JMJD1C: variants seen among roughly 807,000 people sequenced by gnomAD.
The protein encoded by JMJD1C is jumonji domain containing 1C.
Under a neutral mutation model 245.3 loss-of-function variants are expected in JMJD1C, and 31 were observed. The ratio of observed to expected loss-of-function variants is 0.13; its 90% CI spans 0.09 to 0.17. The LOEUF is 0.17. JMJD1C is among the 10% of genes least tolerant of loss of function. JMJD1C has a pLI of 1.00. For synonymous variants in JMJD1C, 1,057 were observed against 1,017.4 expected (o/e 1.04, Z -0.74); for missense variants, 2,691 against 3,000.2 (o/e 0.90, Z 2.41).
At chr10:63,245,919 G>C (rs921771620) in intron 3 of JMJD1C, among the ~76,000 whole-genome samples, 2 of 152,170 alleles carry the variant, frequency 1.3e-5, no homozygotes, top group African/African-American at 4.8e-5. Context: ...TACAATTCAA[G>C]ATGAGATTTG....
chr10:63,332,889 G>C (rs537741123), intron 2 of JMJD1C, among the ~76,000 whole-genome samples: 226 of 152,242 alleles, frequency 1.5e-3, no homozygotes, highest in Non-Finnish European at 2.3e-3. Flanking sequence ...GAAAGGCTTA[G>C]ATTCATTGTT....
At chr10:63,328,233 C>T (rs1395481857) in intron 2 of JMJD1C, among the ~76,000 whole-genome samples, 1 of 151,664 alleles carries the variant, frequency 6.6e-6, no homozygotes, top group African/African-American at 2.4e-5. Context: ...CGAGATTGTG[C>T]CACTGTACTT....
At chr10:63,366,550 A>C (rs1412383793) in intron 2 of JMJD1C, among the ~76,000 whole-genome samples, 1 of 152,238 alleles carries the variant, frequency 6.6e-6, no homozygotes, top group Non-Finnish European at 1.5e-5. Flanking sequence ...TGGGCACAAG[A>C]ATGACATTAA....
At chr10:63,419,157 G>A (rs902712143) in intron 1 of JMJD1C, among the ~76,000 whole-genome samples, 2 of 151,484 alleles carry the variant, frequency 1.3e-5, no homozygotes. Context: ...AGGCCGAGGA[G>A]GGTCAATCAC....
intron 3 of JMJD1C, among the ~76,000 whole-genome samples, chr10:63,255,822 C>T (rs1853828202): frequency 6.6e-6 from 1 of 151,848 alleles, no homozygotes; most frequent in Admixed American, 6.6e-5. Context: ...TGATCAAATT[C>T]CCAAAATTAA....
At chr10:63,220,451 A>T (rs931809708) in intron 3 of JMJD1C, among the ~76,000 whole-genome samples, 1 of 152,230 alleles carries the variant, frequency 6.6e-6, no homozygotes, top group African/African-American at 2.4e-5. Context: ...CCTGATTTAA[A>T]TGTCATCAAA....
At chr10:63,190,565 T>C (rs918899890) in intron 17 of JMJD1C, among the ~76,000 whole-genome samples, 9 of 152,200 alleles carry the variant, frequency 5.9e-5, no homozygotes, top group East Asian at 1.9e-4. Context: ...AAAGCAAAAT[T>C]TGACTTCTAA....
chr10:63,378,144 C>T (rs1448147095), intron 2 of JMJD1C, among the ~76,000 whole-genome samples: 3 of 151,566 alleles, frequency 2.0e-5, no homozygotes, highest in African/African-American at 7.3e-5. Flanking sequence ...TTAAGTAGGC[C>T]TAATTTCAAG....
chr10:63,168,608 G>A (rs770145562), intron 24 of JMJD1C, 42 bp from the exon 25 acceptor site: 1 of 1,512,100 alleles, frequency 6.6e-7, no homozygotes, highest in Admixed American at 2.4e-5. Context: ...GTTTTAGGAG[G>A]TGGAGCAAAG....
chr10:63,402,048 C>T (rs1280035210), intron 1 of JMJD1C, among the ~76,000 whole-genome samples: 2 of 151,338 alleles, frequency 1.3e-5, no homozygotes, highest in African/African-American at 4.9e-5. Flanking sequence ...GAAAGAGAAT[C>T]GCTTGAACCT....
chr10:63,495,390 T>C (rs528390356), intron 1 of JMJD1C, among the ~76,000 whole-genome samples: 1 of 150,338 alleles, frequency 6.7e-6, no homozygotes, highest in South Asian at 2.1e-4. Flanking sequence ...AAATATTTTT[T>C]AAACCCAAGA....
chr10:63,296,982 T>C (rs975560835), intron 2 of JMJD1C, among the ~76,000 whole-genome samples: 4 of 152,218 alleles, frequency 2.6e-5, no homozygotes, highest in Admixed American at 2.6e-4. Flanking sequence ...ATTATTCCCT[T>C]CTTGAACCAT....
At chr10:63,296,820 T>C (rs1464391542) in intron 2 of JMJD1C, among the ~76,000 whole-genome samples, 2 of 152,218 alleles carry the variant, frequency 1.3e-5, no homozygotes, top group Non-Finnish European at 2.9e-5. Flanking sequence ...TCTCTCCTGG[T>C]TGACAGTATG....
Position 63,215,443 on chromosome 10 carries a change from G to C in JMJD1C, c.835C>G (p.Arg279Gly). Reference sequence around the variant, plus strand: ...GGTCTGGGACTATTTGCTTGGGCACGTGTATAATGGCTCTAAAAATAACCA... The same window carrying C: ...GGTCTGGGACTATTTGCTTGGGCACCTGTATAATGGCTCTAAAAATAACCA... ...NVNAVHSHYT[R>G]AQANSPRPAM... The change falls in exon 7 of 26, where the codon CGT (arginine) becomes GGT (glycine). Residue 279 changes from arginine (R) to glycine (G), a missense_variant. Around this residue, in one of 9 missense-constraint regions of JMJD1C, gnomAD observed 1,562 missense variants for 1,490.7 expected, o/e 1.05. Coordinates refer to ENST00000399262, the MANE Select transcript of JMJD1C (RefSeq NM_032776.3). The C allele has an allele frequency of 6.2e-7, 1 of 1,614,064 alleles. No homozygotes were observed. Among genetic ancestry groups the C allele is most frequent in the Non-Finnish European group, 8.5e-7 (1 of 1,179,984 alleles).
intron 2 of JMJD1C, among the ~76,000 whole-genome samples, chr10:63,319,441 T>G (rs1243635208): frequency 6.6e-6 from 1 of 152,020 alleles, no homozygotes. Flanking sequence ...TTAACGTATG[T>G]TGTGTTTCTT....
intron 22 of JMJD1C, among the ~76,000 whole-genome samples, chr10:63,180,506 T>G (rs1843339847): frequency 6.6e-6 from 1 of 152,220 alleles, no homozygotes; most frequent in African/African-American, 2.4e-5. Flanking sequence ...CAATGTTATC[T>G]GTGACAAAGT....
At chr10:63,396,857 T>A (rs1237404630) in intron 1 of JMJD1C, among the ~76,000 whole-genome samples, 1 of 150,864 alleles carries the variant, frequency 6.6e-6, no homozygotes, top group Non-Finnish European at 1.5e-5. Context: ...ACAAACTACA[T>A]CTCAGTTTCA....
chr10:63,208,659 A>C lies in JMJD1C; in HGVS notation c.3010T>G (p.Leu1004Val). The C allele has an allele frequency of 3.7e-6, 6 of 1,614,060 alleles. No individual in the cohort carries two copies. Among genetic ancestry groups the C allele is most frequent in the Non-Finnish European group, 4.2e-6 (5 of 1,179,986 alleles). ...RHFVDPVLNQLQRPPQETGER... is the reference protein window; with the variant it reads ...RHFVDPVLNQVQRPPQETGER... ...CCAGTCTCCTGGGGTGGCCTCTGTA[A>C]CTGATTTAATACTGGATCCACAAAA... Residue 1004 changes from leucine to valine, a missense_variant, in exon 10 of 26, where the codon TTA (leucine) becomes GTA (valine). Leu to Val is a conservative substitution (Grantham distance 32). Around this residue, in one of 9 missense-constraint regions of JMJD1C, gnomAD observed 1,562 missense variants for 1,490.7 expected, o/e 1.05. Coordinates refer to ENST00000399262, the MANE Select transcript of JMJD1C (RefSeq NM_032776.3).
chr10:63,367,372 G>A (rs79299670), intron 2 of JMJD1C, among the ~76,000 whole-genome samples: 2 of 151,944 alleles, frequency 1.3e-5, no homozygotes, highest in African/African-American at 2.4e-5. Flanking sequence ...TCAGCCTCCC[G>A]AGTAGCTAGG....
Sources: gnomAD v4.1 joint callset for allele counts (sites outside exome capture counted in the v4.1 genomes callset) on GRCh38, gnomAD v4.1.1 for gene constraint, gnomAD v4.1.1 regional missense constraint, MANE v1.5 for transcripts, NCBI Gene and HGNC (gene_info 2026-07-23, HGNC 2026-07-21) for gene names.